Variants in NAV2 observed in about 807,000 individuals in gnomAD.
NAV2 encodes helicase, APC down-regulated 1.
In NAV2, 54 loss-of-function variants were observed where a neutral mutation model predicts 223.2. That is an observed-to-expected ratio of 0.24 (90% CI 0.19 to 0.30). NAV2 has a LOEUF of 0.30. NAV2 is among the 10% of genes least tolerant of loss of function. The pLI is 1.00. For missense variants in NAV2, 2,806 were observed against 3,147.5 expected, an observed-to-expected ratio of 0.89 and a Z score of 2.60; for synonymous variants, 1,279 against 1,239.3, an observed-to-expected ratio of 1.03 and a Z score of -0.67.
At chr11:19,517,797 G>A (rs1380444753) in intron 1 of NAV2, among the ~76,000 whole-genome samples, 2 of 152,224 alleles carry the variant, frequency 1.3e-5, no homozygotes, top group Non-Finnish European at 2.9e-5. Flanking sequence ...GGATCAATGG[G>A]TAAAAATAAT....
intron 22 of NAV2, among the ~76,000 whole-genome samples, chr11:20,072,550 A>T (rs2059471099): frequency 6.6e-6 from 1 of 152,148 alleles, no homozygotes; most frequent in Non-Finnish European, 1.5e-5. Context: ...CATGATATTG[A>T]TTCTTACTAT....
At chr11:19,506,438 G>A (rs1222657781) in intron 1 of NAV2, 1 of 152,254 alleles carries the variant, frequency 6.6e-6, no homozygotes, top group African/African-American at 2.4e-5. Context: ...TCAGATTTGT[G>A]TTTGATGCAC....
intron 32 of NAV2, among the ~76,000 whole-genome samples, chr11:20,101,811 C>G (rs551916658): frequency 2.4e-4 from 37 of 152,250 alleles, no homozygotes; most frequent in Middle Eastern, 6.8e-3. Flanking sequence ...CTGACCTGGT[C>G]CCAGCCGAGA....
chr11:19,939,690 C>G lies in NAV2; in HGVS notation c.2063C>G (p.Thr688Ser). The G allele has an allele frequency of 6.2e-7, 1 of 1,614,170 alleles. No individual in the cohort carries two copies. The highest frequency in any genetic ancestry group is 8.5e-7 in the Non-Finnish European group (1 of 1,180,004). ...CAGACGGACACTGAAGGGAATGTTA[C>G]TGCCGAGTCAAGCTCAACAGGTGTG... The part of the protein sequence containing the change: ...RSQTDTEGNV[T>S]AESSSTGVSV... Residue 688 changes from threonine to serine, a missense_variant, in exon 8 of 38, where the codon ACT becomes AGT. This residue lies in a region of NAV2 where 1,167 missense variants were observed against 1,180.5 expected (regional missense o/e 0.99). Coordinates refer to ENST00000349880, the MANE Select transcript of NAV2 (RefSeq NM_145117.5).
At chr11:19,449,650 G>A (rs1013159397) in intron 1 of NAV2, among the ~76,000 whole-genome samples, 3 of 151,840 alleles carry the variant, frequency 2.0e-5, no homozygotes, top group African/African-American at 7.3e-5. Flanking sequence ...CACGGGGTGG[G>A]GTGCTTTTGT....
intron 1 of NAV2, among the ~76,000 whole-genome samples, chr11:19,699,901 C>A (rs762303689): frequency 6.6e-5 from 10 of 152,124 alleles, no homozygotes; most frequent in Middle Eastern, 3.2e-3. Context: ...TGTGGATGCC[C>A]CAGCTCTGCA....
chr11:19,988,544 C>T (rs1442714), intron 11 of NAV2, among the ~76,000 whole-genome samples: 105,471 of 151,358 alleles, frequency 0.7, 37,681 homozygotes, highest in Middle Eastern at 0.83. Context: ...AGAGATTTTT[C>T]TTTTCTTCTT....
intron 1 of NAV2, among the ~76,000 whole-genome samples, chr11:19,602,589 A>G (rs985555280): frequency 6.6e-6 from 1 of 152,178 alleles, no homozygotes; most frequent in African/African-American, 2.4e-5. Context: ...ACAGTTCTGG[A>G]GGTCAGAAAT....
At chr11:20,056,097 C>T in intron 19 of NAV2, 140 bp downstream of exon 19, 10 of 749,122 alleles carry the variant, frequency 1.3e-5, no homozygotes, top group South Asian at 5.5e-5. Context: ...CCCACCTACT[C>T]TGGGGGTCAG....
At chr11:19,984,018 T>TC (rs1268665538) in intron 10 of NAV2, 107 bp from the exon 11 acceptor site, 13 of 1,439,812 alleles carry the variant, frequency 9.0e-6, no homozygotes, top group Non-Finnish European at 1.3e-5. Flanking sequence ...CTCCGTTTCT[T>TC]CCCCCTTAGA....
At chr11:19,665,137 G>A (rs1286762361) in intron 1 of NAV2, among the ~76,000 whole-genome samples, 2 of 152,200 alleles carry the variant, frequency 1.3e-5, no homozygotes, top group Non-Finnish European at 2.9e-5. Flanking sequence ...CAGAGAGGGA[G>A]CCATTGCAGA....
intron 1 of NAV2, among the ~76,000 whole-genome samples, chr11:19,777,241 C>T (rs1483691421): frequency 6.6e-6 from 1 of 151,480 alleles, no homozygotes; most frequent in African/African-American, 2.4e-5. Context: ...GAGAGCTGGG[C>T]AGCGCGGGCG....
chr11:19,538,129 T>C (rs1161162076), intron 1 of NAV2, among the ~76,000 whole-genome samples: 3 of 152,200 alleles, frequency 2.0e-5, no homozygotes, highest in Non-Finnish European at 2.9e-5. Flanking sequence ...ATAGACTCTC[T>C]TGGTTTGTTT....
chr11:19,702,902 A>G (rs1477272717), intron 1 of NAV2, among the ~76,000 whole-genome samples: 1 of 150,630 alleles, frequency 6.6e-6, no homozygotes, highest in African/African-American at 2.4e-5. Context: ...TGGAAAAGTA[A>G]GTTAAAGCCA....
At chr11:20,011,822 T>A (rs1238683095) in intron 11 of NAV2, among the ~76,000 whole-genome samples, 1 of 152,276 alleles carries the variant, frequency 6.6e-6, no homozygotes, top group African/African-American at 2.4e-5. Flanking sequence ...GAGCCATAAT[T>A]TGATTAACTG....
chr11:19,534,330 A>G (rs2044121612), intron 1 of NAV2, among the ~76,000 whole-genome samples: 2 of 152,122 alleles, frequency 1.3e-5, no homozygotes, highest in Admixed American at 6.6e-5. Context: ...TGCTGTACCC[A>G]CAGTGCAGAC....
intron 1 of NAV2, among the ~76,000 whole-genome samples, chr11:19,790,294 C>A (rs1275909954): frequency 6.6e-6 from 1 of 152,202 alleles, no homozygotes; most frequent in East Asian, 1.9e-4. Flanking sequence ...AGACAGAGTT[C>A]TAGTCCAAAC....
At chr11:19,635,058 C>T (rs1425747803) in intron 1 of NAV2, among the ~76,000 whole-genome samples, 1 of 152,280 alleles carries the variant, frequency 6.6e-6, no homozygotes, top group Non-Finnish European at 1.5e-5. Context: ...CGCTGGTGTT[C>T]CTGATTTCAT....
At chr11:19,792,190 A>G (rs958555927) in intron 1 of NAV2, among the ~76,000 whole-genome samples, 3 of 152,210 alleles carry the variant, frequency 2.0e-5, no homozygotes, top group Admixed American at 2.0e-4. Context: ...CAACACACAT[A>G]TACTTAGGTC....
Sources: gnomAD v4.1 joint callset for allele counts (sites outside exome capture counted in the v4.1 genomes callset) on GRCh38, gnomAD v4.1.1 for gene constraint, gnomAD v4.1.1 regional missense constraint, MANE v1.5 for transcripts, NCBI Gene and HGNC (gene_info 2026-07-23, HGNC 2026-07-21) for gene names.